The following ZFHX3 variants were observed in gnomAD, a reference collection of about 807,000 sequenced individuals.
ZFHX3 encodes zinc finger homeobox 3.
A neutral mutation model predicts 279.1 loss-of-function variants in ZFHX3; 42 were observed. The ratio of observed to expected loss-of-function variants is 0.15; its 90% CI spans 0.12 to 0.19. ZFHX3 has a LOEUF of 0.19. ZFHX3 is among the 10% of genes least tolerant of loss of function. The probability of loss-of-function intolerance (pLI) is 1.00; values close to 1 mark genes in which losing one functional copy is unlikely to be tolerated. For missense variants in ZFHX3, 4,981 were observed against 4,754.0 expected, an observed-to-expected ratio of 1.05 and a Z score of -1.40; for synonymous variants, 2,293 against 1,957.8, an observed-to-expected ratio of 1.17 and a Z score of -4.52.
chr16:73,293,836 A>T (rs2014834434), intron 4 of ZFHX3: 1 of 152,194 alleles, frequency 6.6e-6, no homozygotes. Context: ...GTGGATAAAG[A>T]TTCAGTGAGT....
At chr16:72,906,214 A>G (rs945230752) in intron 3 of ZFHX3, among the ~76,000 whole-genome samples, 14 of 152,036 alleles carry the variant, frequency 9.2e-5, no homozygotes, top group African/African-American at 3.1e-4. Flanking sequence ...GGCCCGGGAA[A>G]ACGTTTTAAA....
chr16:73,188,018 C>T (rs766772239), intron 5 of ZFHX3, among the ~76,000 whole-genome samples: 122 of 152,164 alleles, frequency 8.0e-4, no homozygotes, highest in Non-Finnish European at 1.5e-3. Context: ...CCTGCCACCA[C>T]GCCTGGCTAA....
At chr16:73,796,947 A>C (rs1406123401) in intron 1 of ZFHX3, among the ~76,000 whole-genome samples, 2 of 152,184 alleles carry the variant, frequency 1.3e-5, no homozygotes, top group African/African-American at 4.8e-5. Flanking sequence ...CACGCCTGTA[A>C]TCCCAGCACT....
At chr16:73,525,937 C>G (rs1045717956) in intron 2 of ZFHX3, among the ~76,000 whole-genome samples, 1 of 152,230 alleles carries the variant, frequency 6.6e-6, no homozygotes, top group Non-Finnish European at 1.5e-5. Context: ...CCCCAAGCTT[C>G]TGCCTCTTGG....
At chr16:72,953,345 C>G (rs1208841034) in intron 2 of ZFHX3, among the ~76,000 whole-genome samples, 1 of 151,702 alleles carries the variant, frequency 6.6e-6, no homozygotes, top group Admixed American at 6.6e-5. Context: ...GGGACGAAGG[C>G]CAGGCAACAT....
chr16:72,939,186 T>C (rs1960288127), intron 3 of ZFHX3, among the ~76,000 whole-genome samples: 1 of 152,082 alleles, frequency 6.6e-6, no homozygotes, highest in Admixed American at 6.5e-5. Flanking sequence ...AAAACCATCT[T>C]GGAGCAGGGG....
chr16:73,134,402 G>A (rs1181421448), intron 6 of ZFHX3: 1 of 140,044 alleles, frequency 7.1e-6, no homozygotes, highest in African/African-American at 2.7e-5. Context: ...GGCATGCAGT[G>A]GCGTTATCAC....
chr16:72,954,175 G>A (rs1426665065), intron 2 of ZFHX3, among the ~76,000 whole-genome samples: 1 of 152,178 alleles, frequency 6.6e-6, no homozygotes, highest in Non-Finnish European at 1.5e-5. Flanking sequence ...TTCAAGACCA[G>A]CCTGGCCAAT....
chr16:73,879,341 C>A (rs1164578187), intron 1 of ZFHX3, among the ~76,000 whole-genome samples: 2 of 149,712 alleles, frequency 1.3e-5, no homozygotes, highest in Non-Finnish European at 3.0e-5. Flanking sequence ...AGCACAAAGT[C>A]TCTTTTTATA....
At chr16:73,310,385 C>T (rs936666642) in intron 4 of ZFHX3, among the ~76,000 whole-genome samples, 16 of 152,294 alleles carry the variant, frequency 1.1e-4, no homozygotes, top group African/African-American at 3.8e-4. Flanking sequence ...TGTTGTAAAA[C>T]TCTCCACTGA....
intron 3 of ZFHX3, among the ~76,000 whole-genome samples, chr16:73,446,714 C>T (rs1439795855): frequency 1.3e-5 from 2 of 152,112 alleles, no homozygotes; most frequent in African/African-American, 4.8e-5. Flanking sequence ...AGGGGAACAA[C>T]ATATACTGGG....
intron 4 of ZFHX3, among the ~76,000 whole-genome samples, chr16:73,306,829 C>T (rs531041621): frequency 6.6e-6 from 1 of 152,334 alleles, no homozygotes; most frequent in East Asian, 1.9e-4. Flanking sequence ...ATGTTCTACC[C>T]ACAGCCAATG....
At chr16:73,055,480 C>T (rs1019330041) in intron 1 of ZFHX3, among the ~76,000 whole-genome samples, 5 of 152,124 alleles carry the variant, frequency 3.3e-5, no homozygotes, top group Non-Finnish European at 7.4e-5. Context: ...AGCAGCTGAC[C>T]TGACCCCGTT....
intron 2 of ZFHX3, among the ~76,000 whole-genome samples, chr16:73,463,182 A>G (rs1430191394): frequency 6.6e-6 from 1 of 152,240 alleles, no homozygotes. Context: ...TTGCTATTAC[A>G]GTGGAATAAT....
intron 5 of ZFHX3, among the ~76,000 whole-genome samples, chr16:73,222,854 T>C (rs2144922206): frequency 6.6e-6 from 1 of 152,132 alleles, no homozygotes; most frequent in Middle Eastern, 3.4e-3. Context: ...CAGTAAAGTA[T>C]TGGGTAAAAA....
chr16:73,850,813 C>G (rs780366655), intron 1 of ZFHX3, among the ~76,000 whole-genome samples: 4 of 152,088 alleles, frequency 2.6e-5, no homozygotes, highest in Admixed American at 6.5e-5. Context: ...CAGACATGAG[C>G]AGCTGCTTCC....
intron 4 of ZFHX3, among the ~76,000 whole-genome samples, chr16:73,271,971 T>C (rs2014158057): frequency 6.6e-6 from 1 of 152,178 alleles, no homozygotes; most frequent in South Asian, 2.1e-4. Flanking sequence ...ATCCACAAAA[T>C]AATAATAGCT....
At chr16:72,913,258 C>A (rs555854539) in intron 3 of ZFHX3, among the ~76,000 whole-genome samples, 4 of 152,296 alleles carry the variant, frequency 2.6e-5, no homozygotes, top group African/African-American at 4.8e-5. Context: ...TATTCAGATG[C>A]CACCAGTTTT....
Position 72,853,952 on chromosome 16 carries a change from G to GA in ZFHX3, c.3449-24094dup, listed in dbSNP as rs957179783. The stretch of plus-strand genomic sequence containing the variant: ...GCTGTTTATTAGCATCCTTGAGAAG[G>GA]AAAAAAAAAAAAGAAAAGAAAAGAA... On this transcript the variant is annotated intron_variant, in intron 4 of 9. Transcript: ENST00000268489. Among the ~76,000 whole-genome samples the GA allele has an allele frequency of 1.6e-3, 222 of 136,148 alleles. 2 individuals are homozygous for GA. Among genetic ancestry groups the GA allele is most frequent in the African/African-American group, 2.8e-3 (103 of 37,182 alleles). The allele number at this position is 136,148 out of a possible 152,430, so 89.3% of individuals were successfully genotyped here.
Sources: allele counts gnomAD v4.1 joint callset (sites outside exome capture counted in the v4.1 genomes callset), GRCh38; gene constraint gnomAD v4.1.1; transcripts MANE v1.5; gene names NCBI Gene and HGNC (gene_info 2026-07-23, HGNC 2026-07-21).